Variants in TRPM3 observed in about 807,000 individuals in gnomAD.
TRPM3 encodes the protein long transient receptor potential channel 3.
A neutral mutation model predicts 181.2 loss-of-function variants in TRPM3; 77 were observed. That is an observed-to-expected ratio of 0.42 (90% CI 0.35 to 0.51). TRPM3 has a LOEUF of 0.51. TRPM3 is among the 20% of genes least tolerant of loss of function. The pLI is 0.01. For missense variants in TRPM3, 1,759 were observed against 2,196.7 expected (o/e 0.80, Z 3.98); for synonymous variants, 745 against 796.4 (o/e 0.94, Z 1.09).
chr9:70,534,385 T>G lies in TRPM3; in HGVS notation c.*1568A>C, dbSNP rs530423281. On this transcript the variant is annotated 3_prime_UTR_variant, in exon 26 of 26. Transcript: ENST00000677713. ...ATAATTTCAACATTTGGTCTAATAGTATAATGAACTCTTTCAATGGAACTT... is the reference window on the plus strand; with the variant it reads ...ATAATTTCAACATTTGGTCTAATAGGATAATGAACTCTTTCAATGGAACTT... 3.3e-5 allele frequency: 5 copies of G among 152,342 alleles called. No homozygotes were observed. The highest frequency in any genetic ancestry group is 1.2e-4 in the African/African-American group (5 of 41,580). 9.4% of individuals were successfully genotyped at this position (152,342 alleles called of 1,614,324 possible). A position where few individuals can be genotyped will look rare whatever the true frequency, so the allele number is the denominator to read the frequency against.
chr9:71,421,429 A>G (rs1233667022), intron 1 of TRPM3, among the ~76,000 whole-genome samples: 2 of 151,948 alleles, frequency 1.3e-5, no homozygotes, highest in Non-Finnish European at 2.9e-5. Context: ...AAGGCAGAAC[A>G]TAAATTTACA....
At chr9:71,307,418 CTTTTA>C (rs2087458163) in intron 1 of TRPM3, among the ~76,000 whole-genome samples, 1 of 151,042 alleles carries the variant, frequency 6.6e-6, no homozygotes. Flanking sequence ...ATTCAATTTT[CTTTTA>C]TTTTTTCTTA....
chr9:71,044,087 T>A (rs2059148113), intron 1 of TRPM3, among the ~76,000 whole-genome samples: 1 of 152,198 alleles, frequency 6.6e-6, no homozygotes, highest in African/African-American at 2.4e-5. Context: ...CTCACCTTTT[T>A]CCACTGTGTA....
intron 1 of TRPM3, among the ~76,000 whole-genome samples, chr9:71,147,790 A>T (rs1362664529): frequency 1.3e-5 from 2 of 152,156 alleles, no homozygotes; most frequent in African/African-American, 4.8e-5. Context: ...GGACAAAGGT[A>T]TGTGCACAAC....
intron 1 of TRPM3, among the ~76,000 whole-genome samples, chr9:71,109,689 A>G (rs549208079): frequency 5.6e-4 from 86 of 152,222 alleles, no homozygotes; most frequent in Non-Finnish European, 6.3e-4. Context: ...GCATGATATA[A>G]CTCTATAATC....
intron 6 of TRPM3, among the ~76,000 whole-genome samples, chr9:70,802,331 T>G (rs977471403): frequency 6.6e-6 from 1 of 152,164 alleles, no homozygotes; most frequent in South Asian, 2.1e-4. Context: ...ATATTTTCTG[T>G]TTTCAGGCCA....
At chr9:70,641,580 A>T (rs2058066657) in intron 9 of TRPM3, among the ~76,000 whole-genome samples, 2 of 152,214 alleles carry the variant, frequency 1.3e-5, no homozygotes, top group Admixed American at 6.5e-5. Context: ...TGTGCGGTTC[A>T]CAGGTGGCTA....
intron 1 of TRPM3, among the ~76,000 whole-genome samples, chr9:71,354,910 G>C (rs748832815): frequency 1.3e-5 from 2 of 152,192 alleles, no homozygotes; most frequent in Non-Finnish European, 2.9e-5. Flanking sequence ...TGTCCTTGTA[G>C]CTCCTTTTCC....
At chr9:70,597,248 T>G (rs545054510) in intron 21 of TRPM3, among the ~76,000 whole-genome samples, 4 of 151,956 alleles carry the variant, frequency 2.6e-5, no homozygotes, top group Non-Finnish European at 5.9e-5. Flanking sequence ...TTTTCATTAG[T>G]TTTTGTATCA....
At chr9:70,749,810 T>C (rs895352290) in intron 8 of TRPM3, among the ~76,000 whole-genome samples, 2 of 152,194 alleles carry the variant, frequency 1.3e-5, no homozygotes, top group African/African-American at 2.4e-5. Context: ...GAGCTAACAT[T>C]TCACCTTTAT....
At chr9:71,062,660 A>C (rs1424851121) in intron 1 of TRPM3, among the ~76,000 whole-genome samples, 1 of 152,060 alleles carries the variant, frequency 6.6e-6, no homozygotes, top group Non-Finnish European at 1.5e-5. Context: ...TCAACCCAAC[A>C]GTGTTGAGAA....
At chr9:71,424,979 A>C (rs1191487883) in intron 1 of TRPM3, among the ~76,000 whole-genome samples, 1 of 152,124 alleles carries the variant, frequency 6.6e-6, no homozygotes, top group Admixed American at 6.6e-5. Flanking sequence ...TGCCAGATGA[A>C]ATGGGCTATT....
intron 1 of TRPM3, among the ~76,000 whole-genome samples, chr9:70,896,134 T>A (rs1003510564): frequency 6.6e-6 from 1 of 152,162 alleles, no homozygotes; most frequent in African/African-American, 2.4e-5. Flanking sequence ...AGAAAAAACA[T>A]AGAAACCAGA....
chr9:71,256,459 C>T (rs10746868), intron 1 of TRPM3, among the ~76,000 whole-genome samples: 150,181 of 152,212 alleles, frequency 0.99, 74,111 homozygotes, highest in East Asian at 1. Context: ...GAGAATGATA[C>T]ACCAAAAATT....
intron 1 of TRPM3, among the ~76,000 whole-genome samples, chr9:71,048,037 C>T (rs969087759): frequency 3.9e-5 from 6 of 152,164 alleles, no homozygotes; most frequent in Non-Finnish European, 7.3e-5. Flanking sequence ...CTGGTCATAT[C>T]ATGATTCAAC....
At chr9:71,273,883 A>T (rs2083989938) in intron 1 of TRPM3, among the ~76,000 whole-genome samples, 1 of 152,212 alleles carries the variant, frequency 6.6e-6, no homozygotes, top group Non-Finnish European at 1.5e-5. Context: ...TATATTCTGC[A>T]CAGTGCTCCC....
chr9:70,964,122 G>A (rs763122613), intron 1 of TRPM3, among the ~76,000 whole-genome samples: 15 of 151,966 alleles, frequency 9.9e-5, no homozygotes, highest in East Asian at 3.9e-4. Flanking sequence ...AGTAGCATAC[G>A]CTGCCTGGGT....
intron 1 of TRPM3, among the ~76,000 whole-genome samples, chr9:71,145,202 A>G (rs1287523002): frequency 2.0e-5 from 3 of 152,190 alleles, no homozygotes; most frequent in African/African-American, 7.2e-5. Context: ...TCTATTGTGA[A>G]GTCAAAAAGG....
At chr9:71,400,699 G>T (rs779220564) in intron 1 of TRPM3, among the ~76,000 whole-genome samples, 4 of 151,758 alleles carry the variant, frequency 2.6e-5, no homozygotes, top group Non-Finnish European at 5.9e-5. Context: ...CTGGTAAAGA[G>T]GTATAATCTA....
Sources: allele counts gnomAD v4.1 joint callset (sites outside exome capture counted in the v4.1 genomes callset), GRCh38; gene constraint gnomAD v4.1.1; transcripts MANE v1.5; gene names NCBI Gene and HGNC (gene_info 2026-07-23, HGNC 2026-07-21).